SPARC: variants seen among roughly 807,000 people sequenced by gnomAD.
SPARC encodes the protein basement-membrane protein 40.
SPARC carries 23 observed loss-of-function variants against 37.7 expected under a neutral mutation model. The ratio of observed to expected loss-of-function variants is 0.61; its 90% CI spans 0.44 to 0.87. SPARC has a LOEUF of 0.87. Ranked by LOEUF, SPARC falls within the 40% of genes least tolerant of loss-of-function variation. The pLI is 0.00. For synonymous variants in SPARC, 155 were observed against 150.8 expected (o/e 1.03, Z -0.20); for missense variants, 312 against 389.0 (o/e 0.80, Z 1.66).
chr5:151,666,569 G>A, intron 7 of SPARC, 60 bp from the exon 8 acceptor site: 1 of 1,532,644 alleles, frequency 6.5e-7, no homozygotes, highest in South Asian at 1.2e-5. Context: ...GACCAGTCGG[G>A]CCCTCCCACC....
intron 1 of SPARC, among the ~76,000 whole-genome samples, chr5:151,682,602 G>A (rs1032663536): frequency 1.3e-5 from 2 of 152,200 alleles, no homozygotes; most frequent in African/African-American, 2.4e-5. Context: ...TCTTCTGACA[G>A]CCACTACCGA....
chr5:151,677,379 T>G (rs1274358222), intron 1 of SPARC, among the ~76,000 whole-genome samples: 6 of 152,188 alleles, frequency 3.9e-5, no homozygotes. Flanking sequence ...AGTGGCCATG[T>G]CTTCCCTCTT....
intron 9 of SPARC, 122 bp from the exon 10 acceptor site, chr5:151,663,721 C>A: frequency 1.1e-6 from 1 of 917,586 alleles, no homozygotes; most frequent in East Asian, 2.4e-5. Context: ...CATGCAAGGT[C>A]ACCCAGGAAG....
chr5:151,666,311 G>C, intron 8 of SPARC, 50 bp downstream of exon 8: 1 of 1,579,244 alleles, frequency 6.3e-7, no homozygotes, highest in Non-Finnish European at 8.6e-7. Context: ...GCCATAGCTA[G>C]TGCACCTGCC....
chr5:151,682,947 A>G (rs1165994044), intron 1 of SPARC, among the ~76,000 whole-genome samples: 1 of 152,214 alleles, frequency 6.6e-6, no homozygotes, highest in Non-Finnish European at 1.5e-5. Context: ...AAAGTTCTAT[A>G]GCTTGATGGG....
intron 1 of SPARC, chr5:151,679,670 G>A (rs11745387): frequency 0.26 from 38,897 of 152,152 alleles, 6,248 homozygotes; most frequent in Non-Finnish European, 0.36. Flanking sequence ...CTGAAAACCC[G>A]TCCTTGGCTG....
intron 8 of SPARC, among the ~76,000 whole-genome samples, chr5:151,664,536 T>A (rs570430346): frequency 1.1e-4 from 17 of 152,302 alleles, no homozygotes; most frequent in Admixed American, 1.1e-3. Flanking sequence ...AAGGTCTGTT[T>A]GGTGTATTTG....
chr5:151,667,694 G>A, intron 6 of SPARC, 94 bp from the exon 7 acceptor site: 1 of 1,466,256 alleles, frequency 6.8e-7, no homozygotes, highest in East Asian at 2.5e-5. Flanking sequence ...ACCTGCATTG[G>A]TGGCCTTGGC....
intron 5 of SPARC, among the ~76,000 whole-genome samples, chr5:151,670,989 C>T: frequency 6.6e-6 from 1 of 152,106 alleles, no homozygotes; most frequent in East Asian, 1.9e-4. Flanking sequence ...TAGGCAGGAG[C>T]AGGCACTCAA....
chr5:151,661,848 G>GT lies in SPARC; in HGVS notation c.*1722dup, dbSNP rs1340416581. On this transcript the variant is annotated 3_prime_UTR_variant, in exon 10 of 10. Transcript: ENST00000231061. ...CTAATTTAAATTTAAATCTTAAAAA[G>GT]TTACATGTGGGTAGTGGCTGCCGTA... 6.6e-6 allele frequency: 1 copy of GT among 152,152 alleles called. No homozygotes were observed. Among genetic ancestry groups the GT allele is most frequent in the East Asian group, 1.9e-4 (1 of 5,204 alleles). 9.4% of individuals were successfully genotyped at this position (152,152 alleles called of 1,614,324 possible).
chr5:151,664,024 A>C, intron 9 of SPARC, 63 bp downstream of exon 9: 1 of 1,596,846 alleles, frequency 6.3e-7, no homozygotes, highest in Non-Finnish European at 8.6e-7. Flanking sequence ...GGGGGATGAC[A>C]ACCCAGCACC....
chr5:151,666,273 G>T, intron 8 of SPARC, 88 bp downstream of exon 8: 2 of 1,334,926 alleles, frequency 1.5e-6, no homozygotes, highest in Non-Finnish European at 2.1e-6. Flanking sequence ...AGGGCTTGGA[G>T]CAGTATAGGC....
At chr5:151,667,374 G>A (rs2113087939) in intron 7 of SPARC, 93 bp downstream of exon 7, 1 of 1,465,864 alleles carries the variant, frequency 6.8e-7, no homozygotes, top group South Asian at 1.2e-5. Flanking sequence ...ACGCTCCGGA[G>A]CAGGATGCCG....
intron 1 of SPARC, among the ~76,000 whole-genome samples, chr5:151,678,877 G>C (rs1581529671): frequency 6.6e-6 from 1 of 151,974 alleles, no homozygotes; most frequent in African/African-American, 2.4e-5. Context: ...CAGATGATGA[G>C]ATGGGAGGGA....
intron 1 of SPARC, among the ~76,000 whole-genome samples, chr5:151,683,278 C>T (rs1045765109): frequency 6.6e-6 from 1 of 152,226 alleles, no homozygotes; most frequent in East Asian, 1.9e-4. Flanking sequence ...GGCCTAATGA[C>T]AAAGCCACGT....
intron 3 of SPARC, among the ~76,000 whole-genome samples, chr5:151,674,132 C>T (rs953321565): frequency 1.3e-5 from 2 of 152,060 alleles, no homozygotes; most frequent in Non-Finnish European, 2.9e-5. Context: ...CTACCTCAGC[C>T]TCCCGAGTAG....
intron 1 of SPARC, among the ~76,000 whole-genome samples, chr5:151,685,422 T>TCTCTCACA (rs1216324359): frequency 1.2e-4 from 17 of 140,432 alleles, no homozygotes; most frequent in African/African-American, 4.3e-4. Flanking sequence ...CCTCTCTCTC[T>TCTCTCACA]CACACACACA....
At position 151,672,323 on chromosome 5, in the gene SPARC, T is replaced by C. The variant is rs561487076; in HGVS notation, c.209-629A>G. ...CTATCCCCTCAGGATGAGAGCTTAA[T>C]GTGGCCTTTTCCTCGCAATGCTTTA... On this transcript the variant is annotated intron_variant, in intron 4 of 9. Transcript: ENST00000231061. 2.6e-5 allele frequency among the ~76,000 whole-genome samples: 4 copies of C among 152,344 alleles called. No homozygotes were observed. The East Asian group carries it at 5.8e-4, about 22-fold the overall frequency.
Position 151,669,725 on chromosome 5 carries a change from G to A in SPARC, c.390C>T (p.Cys130=), listed in dbSNP as rs1454397683. The part of the protein sequence containing the change: ...DSSCHFFATK[C]TLEGTKKGHK... ...GGCCCTTCTTGGTGCCCTCCAGGGT[G>A]CACTTTGTGGCAAAGAAGTGGCAGG... Residue 130 remains cysteine (C), a synonymous_variant, in exon 6 of 10, where the codon TGC becomes TGT. Coordinates refer to ENST00000231061, the MANE Select transcript of SPARC (RefSeq NM_003118.4). The A allele has an allele frequency of 1.9e-6, 3 of 1,614,210 alleles. No homozygotes were observed. Among genetic ancestry groups the A allele is most frequent in the South Asian group, 2.2e-5 (2 of 91,086 alleles).
Sources: allele counts gnomAD v4.1 joint callset (sites outside exome capture counted in the v4.1 genomes callset), GRCh38; gene constraint gnomAD v4.1.1; transcripts MANE v1.5; gene names NCBI Gene and HGNC (gene_info 2026-07-23, HGNC 2026-07-21).